NHSL1: variants seen among roughly 807,000 people sequenced by gnomAD.
NHSL1 encodes the protein NHS like 1.
In NHSL1, 48 loss-of-function variants were observed where a neutral mutation model predicts 95.0. That is an observed-to-expected ratio of 0.51 (90% CI 0.40 to 0.64). The LOEUF is 0.64. Among genes scored for constraint, NHSL1 ranks in the 30% least tolerant of loss-of-function variants. NHSL1 has a pLI of 0.00. For synonymous variants in NHSL1, 783 were observed against 833.9 expected (o/e 0.94, Z 1.05); for missense variants, 1,971 against 2,077.7 (o/e 0.95, Z 1.00).
intron 1 of NHSL1, among the ~76,000 whole-genome samples, chr6:138,599,836 G>A (rs926291139): frequency 2.0e-5 from 3 of 152,068 alleles, no homozygotes; most frequent in African/African-American, 7.2e-5. Context: ...GAAGAATGAA[G>A]TACCTTTAAA....
rs533564418 is a variant in NHSL1 at position 138,688,384 on chromosome 6, G to A, written c.96+4092C>T. ...ACAGGGGCCAGGCACAGTGGCTCAC[G>A]CCTGTAATCTCAGCACTTTGGGAGG... is the stretch of plus-strand genomic sequence containing the variant. On this transcript the variant is annotated intron_variant, in intron 1 of 3. Coordinates refer to the NHSL1 transcript ENST00000491526. Among the ~76,000 whole-genome samples, 8 of 152,170 alleles carry A rather than the reference G, an allele frequency of 5.3e-5. No homozygotes were observed. The South Asian group carries it at 1.0e-3, about 20-fold the overall frequency.
At chr6:138,538,067 A>T (rs1782433253) in intron 1 of NHSL1, among the ~76,000 whole-genome samples, 1 of 152,208 alleles carries the variant, frequency 6.6e-6, no homozygotes, top group Admixed American at 6.5e-5. Flanking sequence ...AATGTCGACA[A>T]ATCTTGGATA....
At chr6:138,503,605 G>A (rs538032607), upstream of NHSL1, among the ~76,000 whole-genome samples, 4 of 152,104 alleles carry the variant, frequency 2.6e-5, no homozygotes, top group Non-Finnish European at 4.4e-5. Context: ...AGGGTTGAGC[G>A]GCTACGACTA....
chr6:138,525,300 C>T (rs1241640747), intron 1 of NHSL1, among the ~76,000 whole-genome samples: 1 of 152,034 alleles, frequency 6.6e-6, no homozygotes, highest in East Asian at 1.9e-4. Context: ...CCAAAGTGTA[C>T]ACACTTCTTG....
intron 1 of NHSL1, among the ~76,000 whole-genome samples, chr6:138,533,548 C>CA (rs1250851318): frequency 1.3e-5 from 2 of 151,616 alleles, no homozygotes; most frequent in Non-Finnish European, 2.9e-5. Context: ...AACTCCGTCT[C>CA]AAAAAAATAA....
At chr6:138,572,000 C>T in exon 1 of NHSL1, 1 of 1,040,776 alleles carries the variant, frequency 9.6e-7, no homozygotes, top group Admixed American at 2.4e-5. Context: ...CTCCACGAGC[C>T]TGCTGTTTCC....
intron 1 of NHSL1, among the ~76,000 whole-genome samples, chr6:138,538,433 T>TC (rs1583378553): frequency 1.3e-5 from 2 of 152,284 alleles, no homozygotes; most frequent in East Asian, 3.9e-4. Context: ...TAACCCAGTT[T>TC]CCCCACGTGA....
At position 138,582,496 on chromosome 6, in the gene NHSL1, A is replaced by T. The variant is rs150205541; in HGVS notation, c.97-86125T>A. On this transcript the variant is annotated intron_variant, in intron 1 of 3. Coordinates refer to the NHSL1 transcript ENST00000491526. ...CTTTCAGTCACCCTGTTCTAGACAG[A>T]TCACTGCTGCCATTTTGGTAGTGTA... 1.9e-3 allele frequency among the ~76,000 whole-genome samples: 282 copies of T among 152,350 alleles called. 3 individuals are homozygous for T. Among genetic ancestry groups the T allele is most frequent in the East Asian group, 0.014 (72 of 5,182 alleles).
At chr6:138,651,412 C>T (rs918351280) in intron 1 of NHSL1, among the ~76,000 whole-genome samples, 1 of 152,184 alleles carries the variant, frequency 6.6e-6, no homozygotes, top group Non-Finnish European at 1.5e-5. Context: ...TTTCATCAAG[C>T]CAATTGGTTT....
intron 3 of NHSL1, among the ~76,000 whole-genome samples, chr6:138,467,901 A>T (rs1246396957): frequency 6.6e-6 from 1 of 152,180 alleles, no homozygotes; most frequent in Non-Finnish European, 1.5e-5. Context: ...CTAATTTACT[A>T]TTGAAGAAAG....
chr6:138,615,906 T>TTAC (rs1784572672), intron 1 of NHSL1, among the ~76,000 whole-genome samples: 1 of 152,016 alleles, frequency 6.6e-6, no homozygotes, highest in Non-Finnish European at 1.5e-5. Flanking sequence ...CTGACTTAGA[T>TTAC]TACTACTCCC....
upstream of NHSL1, among the ~76,000 whole-genome samples, chr6:138,502,025 G>C (rs1369822541): frequency 6.6e-6 from 1 of 152,052 alleles, no homozygotes; most frequent in African/African-American, 2.4e-5. Flanking sequence ...AGTGGAACCT[G>C]TGGATATGGA....
chr6:138,435,717 T>A lies in NHSL1; in HGVS notation c.665-2037A>T, dbSNP rs188355555. On this transcript the variant is annotated intron_variant, in intron 5 of 7. Coordinates refer to ENST00000343505, the MANE Select transcript of NHSL1 (RefSeq NM_001144060.2). Reference sequence around the variant, plus strand: ...GTGCATTGCAGATAACTGGGGTTTTTTTTTTTGTTTTTTTGTTTTTGTTTT... The same window carrying A: ...GTGCATTGCAGATAACTGGGGTTTTATTTTTTGTTTTTTTGTTTTTGTTTT... 1.9e-4 allele frequency among the ~76,000 whole-genome samples: 29 copies of A among 151,986 alleles called. 1 individual carries two copies. The East Asian group carries it at 5.6e-3, about 29-fold the overall frequency.
intron 1 of NHSL1, among the ~76,000 whole-genome samples, chr6:138,561,031 G>A (rs778256622): frequency 2.6e-5 from 4 of 152,076 alleles, no homozygotes; most frequent in Non-Finnish European, 4.4e-5. Context: ...GTTTTCCTTC[G>A]AGAAAGCCAA....
At chr6:138,476,808 C>G (rs1331577035) in intron 2 of NHSL1, among the ~76,000 whole-genome samples, 1 of 151,830 alleles carries the variant, frequency 6.6e-6, no homozygotes, top group Non-Finnish European at 1.5e-5. Context: ...GTCTGGGCAA[C>G]AAGAGCGAAA....
chr6:138,590,389 C>A lies in NHSL1; in HGVS notation c.97-94018G>T, dbSNP rs552278317. On this transcript the variant is annotated intron_variant, in intron 1 of 3. Coordinates refer to the NHSL1 transcript ENST00000491526. ...CCTTCCCTCCCAAACTCAAAGATAA[C>A]CTCCCTTTGCATAAAACTACAAAGA... is the stretch of plus-strand genomic sequence containing the variant. Among the ~76,000 whole-genome samples, 3 of 152,248 alleles carry A rather than the reference C, an allele frequency of 2.0e-5. No homozygotes were observed. The East Asian group carries it at 5.8e-4, about 29-fold the overall frequency.
At chr6:138,561,959 A>G (rs1783427813) in intron 1 of NHSL1, among the ~76,000 whole-genome samples, 1 of 152,228 alleles carries the variant, frequency 6.6e-6, no homozygotes, top group African/African-American at 2.4e-5. Flanking sequence ...TATGATATCT[A>G]CTAGTCAGTC....
intron 1 of NHSL1, among the ~76,000 whole-genome samples, chr6:138,580,572 T>C (rs940314742): frequency 6.6e-6 from 1 of 152,152 alleles, no homozygotes; most frequent in Non-Finnish European, 1.5e-5. Flanking sequence ...CCTCCCACCA[T>C]GGCCACTTTC....
chr6:138,487,016 G>A (rs1779770485), intron 2 of NHSL1, among the ~76,000 whole-genome samples: 1 of 152,162 alleles, frequency 6.6e-6, no homozygotes, highest in East Asian at 1.9e-4. Flanking sequence ...AGAGGTTGTG[G>A]TTCAGAAGGG....
Sources: allele counts gnomAD v4.1 joint callset (sites outside exome capture counted in the v4.1 genomes callset), GRCh38; gene constraint gnomAD v4.1.1; transcripts MANE v1.5; gene names NCBI Gene and HGNC (gene_info 2026-07-23, HGNC 2026-07-21).